IDH1: variants seen among roughly 807,000 people sequenced by gnomAD.
The protein encoded by IDH1 is isocitrate dehydrogenase (NADP(+)) 1.
In IDH1, 33 loss-of-function variants were observed where a neutral mutation model predicts 46.1. That is an observed-to-expected ratio of 0.72 (90% CI 0.54 to 0.96). IDH1 has a LOEUF of 0.96. Among genes scored for constraint, IDH1 ranks in the 40% least tolerant of loss-of-function variants. The pLI is 0.00. For synonymous variants in IDH1, 144 were observed against 172.8 expected, an observed-to-expected ratio of 0.83 and a Z score of 1.31; for missense variants, 421 against 515.7, an observed-to-expected ratio of 0.82 and a Z score of 1.78.
intron 4 of IDH1, chr2:208,247,895 A>G (rs1688052324): frequency 5.7e-6 from 1 of 176,218 alleles, no homozygotes; most frequent in African/African-American, 2.4e-5. Context: ...GAGCTTTAAA[A>G]TGCCTGAACC....
At chr2:208,238,786 C>T (rs1161047585) in intron 9 of IDH1, among the ~76,000 whole-genome samples, 1 of 152,152 alleles carries the variant, frequency 6.6e-6, no homozygotes, top group Non-Finnish European at 1.5e-5. Flanking sequence ...TGGTTTTGAA[C>T]ATAAAAGTTT....
chr2:208,240,144 C>T, intron 7 of IDH1, 141 bp from the exon 8 acceptor site: 1 of 883,486 alleles, frequency 1.1e-6, no homozygotes, highest in South Asian at 1.4e-5. Context: ...ACCAATAATT[C>T]TGCCTTTCAG....
Position 208,236,819 on chromosome 2 carries a change from A to G in IDH1, c.*260T>C. 2.2e-6 allele frequency: 1 copy of G among 455,298 alleles called. No homozygotes were observed. The allele number at this position is 455,298 out of a possible 1,614,324, so 28.2% of individuals were successfully genotyped here. A position where few individuals can be genotyped will look rare whatever the true frequency, so the allele number is the denominator to read the frequency against. ...CATGAGAAAAAGTGACAGTGAATAC[A>G]AATGAGTACTAACCGAATTCCTAGG... On this transcript the variant is annotated 3_prime_UTR_variant, in exon 10 of 10. Transcript: ENST00000345146.
chr2:208,248,208 G>A (rs1688058152), intron 4 of IDH1, 161 bp downstream of exon 4: 2 of 643,066 alleles, frequency 3.1e-6, no homozygotes, highest in South Asian at 3.8e-5. Flanking sequence ...TTAGCTAAAT[G>A]TGTGTAAATA....
chr2:208,236,661 C>A lies in IDH1; in HGVS notation c.*418G>T, dbSNP rs1025485119. 4 of 270,570 alleles carry A rather than the reference C, an allele frequency of 1.5e-5. No homozygotes were observed. The highest frequency in any genetic ancestry group is 2.1e-5 in the Non-Finnish European group (3 of 140,778). The allele number at this position is 270,570 out of a possible 1,614,324, so 16.8% of individuals were successfully genotyped here. ...AAACGGGATATCTATGACACCAGAA[C>A]TTCCCTGTGCCCAAGGTCATGGACA... On this transcript the variant is annotated 3_prime_UTR_variant, in exon 10 of 10. Coordinates refer to ENST00000345146, the MANE Select transcript of IDH1 (RefSeq NM_005896.4).
rs73070954 is a variant in IDH1, at chr2:208,248,572, C to T, written c.211G>A (p.Val71Ile). ...AEAIKKHNVG[V>I]KCATITPDEK... ...TCAGGAGTGATAGTGGCACATTTGA[C>T]GCCAACATTATGCTTCTTTATAGCT... Residue 71 changes from valine (V) to isoleucine (I), a missense_variant, in exon 4 of 10, where the codon GTC (valine) becomes ATC (isoleucine). Physicochemically the swap from Val to Ile is conservative, Grantham distance 29. Coordinates refer to ENST00000345146, the MANE Select transcript of IDH1 (RefSeq NM_005896.4). The T allele has an allele frequency of 2.6e-3, 4,187 of 1,614,100 alleles. 87 individuals are homozygous for T. In the African/African-American group the frequency reaches 0.045, roughly 17 times the overall value.
intron 2 of IDH1, among the ~76,000 whole-genome samples, chr2:208,253,126 TA>T (rs934415100): frequency 2.0e-5 from 3 of 152,250 alleles, no homozygotes; most frequent in African/African-American, 7.2e-5. Flanking sequence ...CATGGCAATT[TA>T]TTCTTGATGG....
At chr2:208,253,008 C>G (rs1325729000) in intron 2 of IDH1, among the ~76,000 whole-genome samples, 1 of 152,166 alleles carries the variant, frequency 6.6e-6, no homozygotes, top group East Asian at 1.9e-4. Context: ...ACTGTCACAC[C>G]TATCCTTGTT....
At chr2:208,246,297 G>A (rs1489734722) in intron 4 of IDH1, among the ~76,000 whole-genome samples, 3 of 152,154 alleles carry the variant, frequency 2.0e-5, no homozygotes, top group African/African-American at 7.2e-5. Flanking sequence ...AATTGAATCA[G>A]ATACTTGCAG....
chr2:208,242,787 C>T (rs571127881), intron 6 of IDH1, among the ~76,000 whole-genome samples: 3 of 147,534 alleles, frequency 2.0e-5, no homozygotes, highest in East Asian at 4.0e-4. Context: ...TTTTTTGAGA[C>T]GGAGTCTCGC....
chr2:208,240,277 C>T, intron 7 of IDH1: 2 of 465,052 alleles, frequency 4.3e-6, no homozygotes, highest in Admixed American at 6.6e-5. Context: ...GCCTACATTC[C>T]ACTCTAGTTC....
intron 2 of IDH1, among the ~76,000 whole-genome samples, chr2:208,252,713 G>A (rs1688146378): frequency 6.6e-6 from 1 of 152,134 alleles, no homozygotes; most frequent in African/African-American, 2.4e-5. Flanking sequence ...AAAGTAATTT[G>A]GTCTTTAAAT....
chr2:208,238,237 G>T (rs151022153), intron 9 of IDH1, among the ~76,000 whole-genome samples: 4,424 of 152,056 alleles, frequency 0.029, 201 homozygotes, highest in African/African-American at 0.1. Flanking sequence ...GGGTTTCACT[G>T]TGTTAGCCAG....
intron 7 of IDH1, among the ~76,000 whole-genome samples, chr2:208,240,631 T>C (rs1178109469): frequency 6.6e-6 from 1 of 152,178 alleles, no homozygotes; most frequent in Non-Finnish European, 1.5e-5. Context: ...TTCCTCGCTC[T>C]CTTTCATACC....
At chr2:208,243,646 T>G (rs972352168) in intron 5 of IDH1, 42 bp from the exon 6 acceptor site, 1 of 1,509,684 alleles carries the variant, frequency 6.6e-7, no homozygotes, top group South Asian at 1.1e-5. Flanking sequence ...GGGAGAAGAA[T>G]AAATGTAATG....
At position 208,236,329 on chromosome 2, in the gene IDH1, T is replaced by G. The variant is rs903585214; in HGVS notation, c.*750A>C. 1 of 226,096 alleles carries G rather than the reference T, an allele frequency of 4.4e-6. No homozygotes were observed. Among genetic ancestry groups the G allele is most frequent in the Non-Finnish European group, 8.8e-6 (1 of 113,530 alleles). The allele number at this position is 226,096 out of a possible 1,614,324, so 14.0% of individuals were successfully genotyped here. The stretch of plus-strand genomic sequence containing the variant: ...AGAAATCACATTTATATAAAAGAAA[T>G]AAAACAGGCCAGCAGAAGTCCAAAA... On this transcript the variant is annotated 3_prime_UTR_variant, in exon 10 of 10. Transcript: ENST00000345146.
rs75634689 is a variant in IDH1 at position 208,237,393 on chromosome 2, A to ACT, written c.1155-225_1155-224insAG. ...GCTCTCTAGGCAACCGGCAGTAGAG[A>ACT]CAGCCATACATACTCAGTTAGGTTT... On this transcript the variant is annotated intron_variant, in intron 9 of 9. Transcript: ENST00000345146. Among the ~76,000 whole-genome samples the ACT allele has an allele frequency of 0.99, 150,619 of 152,270 alleles. 74,519 individuals are homozygous for ACT. The highest frequency in any genetic ancestry group is 1 in the Middle Eastern group (294 of 294).
Position 208,243,531 on chromosome 2 carries a change from T to C in IDH1, c.594A>G (p.Gln198=). 1 of 1,613,636 alleles carries C rather than the reference T, an allele frequency of 6.2e-7. No homozygotes were observed. The highest frequency in any genetic ancestry group is 8.5e-7 in the Non-Finnish European group (1 of 1,179,518). The change falls in exon 6 of 10, where the codon CAA becomes CAG. Residue 198 remains glutamine (Q), a synonymous_variant. Transcript: ENST00000345146. ...SIEDFAHSSF[Q]MALSKGWPLY... ...AAGGCCAACCCTTAGACAGAGCCAT[T>C]TGGAAGGAACTGTGTGCAAAATCTT...
At chr2:208,240,344 C>T (rs1241351605) in intron 7 of IDH1, 2 of 297,842 alleles carry the variant, frequency 6.7e-6, no homozygotes, top group Non-Finnish European at 1.3e-5. Flanking sequence ...GGAGTAATAA[C>T]AGCACCTACT....
Sources: allele counts gnomAD v4.1 joint callset (sites outside exome capture counted in the v4.1 genomes callset), GRCh38; gene constraint gnomAD v4.1.1; transcripts MANE v1.5; gene names NCBI Gene and HGNC (gene_info 2026-07-23, HGNC 2026-07-21).